FRMD4A: variants seen among roughly 807,000 people sequenced by gnomAD.
The protein encoded by FRMD4A is FERM domain-containing protein 4A.
In FRMD4A, 29 loss-of-function variants were observed where a neutral mutation model predicts 129.1. The observed-to-expected ratio is 0.22, with a 90% CI of 0.17 to 0.31. The LOEUF (loss-of-function observed/expected upper bound fraction) is 0.31. Among genes scored for constraint, FRMD4A ranks in the 10% least tolerant of loss-of-function variants. FRMD4A has a pLI of 1.00. For synonymous variants in FRMD4A, 634 were observed against 571.6 expected, an observed-to-expected ratio of 1.11 and a Z score of -1.56; for missense variants, 1,272 against 1,375.8, an observed-to-expected ratio of 0.92 and a Z score of 1.19.
At chr10:14,325,693 C>T (rs1440793187) in intron 2 of FRMD4A, among the ~76,000 whole-genome samples, 1 of 152,228 alleles carries the variant, frequency 6.6e-6, no homozygotes, top group Non-Finnish European at 1.5e-5. Context: ...ATGCTAAAGC[C>T]AGTCACTGCC....
At chr10:13,939,668 C>T (rs191805292) in intron 2 of FRMD4A, among the ~76,000 whole-genome samples, 40 of 152,252 alleles carry the variant, frequency 2.6e-4, no homozygotes, top group Admixed American at 1.2e-3. Flanking sequence ...GGAACAAAAT[C>T]CTGGAATTAC....
chr10:13,830,606 G>A (rs1033169650), intron 3 of FRMD4A, among the ~76,000 whole-genome samples: 5 of 152,180 alleles, frequency 3.3e-5, no homozygotes, highest in African/African-American at 7.2e-5. Flanking sequence ...AGCACAAGGC[G>A]ACACGTTAAT....
chr10:13,796,191 A>T (rs2130824695), intron 5 of FRMD4A, among the ~76,000 whole-genome samples: 1 of 152,178 alleles, frequency 6.6e-6, no homozygotes, highest in East Asian at 1.9e-4. Context: ...CCTGTGCTAT[A>T]AGATACTCAT....
At chr10:14,129,555 G>T (rs1184358118) in intron 2 of FRMD4A, among the ~76,000 whole-genome samples, 1 of 151,786 alleles carries the variant, frequency 6.6e-6, no homozygotes, top group African/African-American at 2.4e-5. Context: ...AAAACCTCCA[G>T]GTGGCTCATC....
chr10:13,895,717 CA>C (rs2094749968), intron 2 of FRMD4A, among the ~76,000 whole-genome samples: 1 of 152,168 alleles, frequency 6.6e-6, no homozygotes, highest in Non-Finnish European at 1.5e-5. Flanking sequence ...AAACTATCAT[CA>C]GAGTGAACAG....
At chr10:14,139,220 T>C (rs538732471) in intron 2 of FRMD4A, among the ~76,000 whole-genome samples, 1 of 152,334 alleles carries the variant, frequency 6.6e-6, no homozygotes, top group Admixed American at 6.5e-5. Flanking sequence ...GTTATAACAA[T>C]GGTATGATGT....
rs73595131 is a variant in FRMD4A at position 13,790,115 on chromosome 10, T to C, written c.299+6381A>G. The stretch of plus-strand genomic sequence containing the variant: ...TAGGGAGCTGTTTAAGATGCAGGAA[T>C]AACAGCGAGTAGTGACTGAGGGAAC... On this transcript the variant is annotated intron_variant, in intron 5 of 24. Transcript: ENST00000357447. Among the ~76,000 whole-genome samples the C allele has an allele frequency of 6.9e-3, 1,052 of 151,898 alleles. 12 individuals carry two copies. The highest frequency in any genetic ancestry group is 0.024 in the African/African-American group (993 of 41,376).
intron 2 of FRMD4A, among the ~76,000 whole-genome samples, chr10:13,904,123 T>C (rs12246262): frequency 0.12 from 18,516 of 152,114 alleles, 3,137 homozygotes; most frequent in African/African-American, 0.38. Context: ...GGCTGGGACA[T>C]GACAGTGAAC....
At chr10:14,241,472 G>GAC (rs1337289113) in intron 2 of FRMD4A, among the ~76,000 whole-genome samples, 2 of 152,162 alleles carry the variant, frequency 1.3e-5, no homozygotes, top group Non-Finnish European at 1.5e-5. Context: ...CATTTGGCAT[G>GAC]AAAGAGGTGT....
chr10:14,047,200 G>A (rs571420380), intron 2 of FRMD4A, among the ~76,000 whole-genome samples: 39 of 152,218 alleles, frequency 2.6e-4, no homozygotes, highest in Admixed American at 5.9e-4. Flanking sequence ...TCATTTTACC[G>A]TCTCTATCCT....
chr10:13,688,004 A>G (rs10796113), intron 15 of FRMD4A, among the ~76,000 whole-genome samples: 121,180 of 152,056 alleles, frequency 0.8, 48,493 homozygotes, highest in Middle Eastern at 0.85. Context: ...TATCACTACT[A>G]CGGGATTCAG....
Position 14,182,405 on chromosome 10 carries a change from G to A in FRMD4A, c.45+147653C>T, listed in dbSNP as rs566182663. 3.3e-5 allele frequency among the ~76,000 whole-genome samples: 5 copies of A among 152,296 alleles called. No homozygotes were observed. In the East Asian group the frequency reaches 7.7e-4, roughly 23 times the overall value. ...AAATAAAAAATAATAATAATAGCCAGGCAAGGTGGCACATGCCTATAGTTT... is the reference window on the plus strand; with the variant it reads ...AAATAAAAAATAATAATAATAGCCAAGCAAGGTGGCACATGCCTATAGTTT... On this transcript the variant is annotated intron_variant, in intron 2 of 24. Transcript: ENST00000357447.
At chr10:13,894,712 A>C (rs777294579) in intron 2 of FRMD4A, among the ~76,000 whole-genome samples, 2 of 152,010 alleles carry the variant, frequency 1.3e-5, no homozygotes, top group Non-Finnish European at 2.9e-5. Context: ...TCAGGTTCTT[A>C]CTCAAATGCT....
chr10:13,895,170 A>G (rs2094743258), intron 2 of FRMD4A, among the ~76,000 whole-genome samples: 1 of 152,134 alleles, frequency 6.6e-6, no homozygotes, highest in Non-Finnish European at 1.5e-5. Context: ...TGTTGTACAA[A>G]TTATTTTGTC....
At chr10:14,222,389 T>C (rs1485195199) in intron 2 of FRMD4A, among the ~76,000 whole-genome samples, 2 of 152,194 alleles carry the variant, frequency 1.3e-5, no homozygotes, top group Non-Finnish European at 2.9e-5. Flanking sequence ...GCTTGGCCCC[T>C]GCTGAGCGTA....
At chr10:13,836,321 G>C (rs2093873350) in intron 3 of FRMD4A, among the ~76,000 whole-genome samples, 2 of 152,154 alleles carry the variant, frequency 1.3e-5, no homozygotes, top group Non-Finnish European at 2.9e-5. Context: ...TTCTTTAAGG[G>C]ATGGACATCA....
chr10:14,091,635 A>G (rs960778623), intron 2 of FRMD4A, among the ~76,000 whole-genome samples: 2 of 152,204 alleles, frequency 1.3e-5, no homozygotes, highest in African/African-American at 4.8e-5. Context: ...GGGTTTCACC[A>G]TGTTGACCAG....
At chr10:13,773,345 G>A (rs2130745535) in intron 6 of FRMD4A, among the ~76,000 whole-genome samples, 1 of 152,262 alleles carries the variant, frequency 6.6e-6, no homozygotes, top group South Asian at 2.1e-4. Flanking sequence ...AACCGGTACT[G>A]CCAATACAGC....
chr10:14,224,060 G>A (rs969643106), intron 2 of FRMD4A, among the ~76,000 whole-genome samples: 2 of 152,186 alleles, frequency 1.3e-5, no homozygotes, highest in Non-Finnish European at 2.9e-5. Flanking sequence ...GCTCTGCTCA[G>A]GCGAGGAGTC....
Sources: allele counts gnomAD v4.1 joint callset (sites outside exome capture counted in the v4.1 genomes callset), GRCh38; gene constraint gnomAD v4.1.1; transcripts MANE v1.5; gene names NCBI Gene and HGNC (gene_info 2026-07-23, HGNC 2026-07-21).